The following SMIM36 variants were observed in gnomAD, a reference collection of about 807,000 sequenced individuals.
SMIM36 encodes small integral membrane protein 36.
chr17:55,512,155 G>T (rs1269056349), upstream of SMIM36, among the ~76,000 whole-genome samples: 1 of 152,218 alleles, frequency 6.6e-6, no homozygotes, highest in African/African-American at 2.4e-5. Context: ...TTTAACCTAT[G>T]ACCTGAAGGA....
At chr17:55,510,939 C>G in exon 1 of SMIM36, 1 of 396,534 alleles carries the variant, frequency 2.5e-6, no homozygotes, top group Non-Finnish European at 4.4e-6. Context: ...AGACAGAGCT[C>G]TCACTTCCTT....
At chr17:55,519,378 C>A in the SMIM36 span, among the ~76,000 whole-genome samples, 1 of 151,860 alleles carries the variant, frequency 6.6e-6, no homozygotes, top group Admixed American at 6.6e-5. Flanking sequence ...TGGAATGTGG[C>A]GGGAAATTGT....
chr17:55,461,789 A>G (rs1485154331), intron 4 of SMIM36, among the ~76,000 whole-genome samples: 1 of 152,202 alleles, frequency 6.6e-6, no homozygotes, highest in East Asian at 1.9e-4. Context: ...CAAAAACCAG[A>G]AAGTACAGAC....
At chr17:55,472,700 G>A (rs1405011958) in intron 3 of SMIM36, among the ~76,000 whole-genome samples, 3 of 151,982 alleles carry the variant, frequency 2.0e-5, no homozygotes, top group Non-Finnish European at 2.9e-5. Flanking sequence ...GTGAAACCCC[G>A]AATCTACTAA....
Position 55,508,142 on chromosome 17 carries a change from AAC to A in SMIM36, c.*174+2735_*174+2736del, listed in dbSNP as rs201307522. The stretch of plus-strand genomic sequence containing the variant: ...CAACCTACTGCTTTGCCTTGTAACA[AAC>A]ACACAATGAAAAGAGCAGAGTTGAG... On this transcript the variant is annotated intron_variant, in intron 1 of 4. Transcript: ENST00000636752. Among the ~76,000 whole-genome samples, 913 of 152,152 alleles carry A rather than the reference AAC, an allele frequency of 6.0e-3. 13 individuals are homozygous for A. Among genetic ancestry groups the A allele is most frequent in the African/African-American group, 0.021 (881 of 41,502 alleles).
intron 2 of SMIM36, 30 bp downstream of exon 2, chr17:55,479,430 C>G (rs555407459): frequency 6.6e-6 from 1 of 152,072 alleles, no homozygotes; most frequent in Admixed American, 6.6e-5. Flanking sequence ...ACTAAAAATA[C>G]AAAAAGTAGG....
chr17:55,530,086 A>G, the SMIM36 span, among the ~76,000 whole-genome samples: 1 of 152,242 alleles, frequency 6.6e-6, no homozygotes, highest in Non-Finnish European at 1.5e-5. Flanking sequence ...AGAGAAATAA[A>G]AGAGAAAGTT....
chr17:55,476,567 A>AT (rs71159295), intron 3 of SMIM36, among the ~76,000 whole-genome samples: 33,140 of 149,578 alleles, frequency 0.22, 3,988 homozygotes, highest in Non-Finnish European at 0.28. Context: ...GATGGTCACT[A>AT]TTTTTTTTTT....
chr17:55,481,720 G>T (rs1909524142), intron 1 of SMIM36, among the ~76,000 whole-genome samples: 1 of 152,080 alleles, frequency 6.6e-6, no homozygotes, highest in Admixed American at 6.6e-5. Context: ...TTGAGACAGG[G>T]TCTCACTCTG....
chr17:55,519,226 G>A, the SMIM36 span, among the ~76,000 whole-genome samples: 4 of 152,328 alleles, frequency 2.6e-5, no homozygotes, highest in East Asian at 7.7e-4. Flanking sequence ...TAGGCAGATA[G>A]TTTGGTTAAG....
chr17:55,523,791 C>T, the SMIM36 span, among the ~76,000 whole-genome samples: 1 of 152,132 alleles, frequency 6.6e-6, no homozygotes, highest in Non-Finnish European at 1.5e-5. Context: ...TTGCCTGGCT[C>T]TATTTATATG....
chr17:55,497,563 C>G (rs2048155948), intron 1 of SMIM36, among the ~76,000 whole-genome samples: 1 of 152,096 alleles, frequency 6.6e-6, no homozygotes. Flanking sequence ...CTATGCCCAG[C>G]CTACCCTCTT....
intron 1 of SMIM36, among the ~76,000 whole-genome samples, chr17:55,479,815 A>T (rs1210396243): frequency 6.6e-6 from 1 of 152,228 alleles, no homozygotes; most frequent in Non-Finnish European, 1.5e-5. Flanking sequence ...TGATATGAGC[A>T]AAAACACTTT....
At chr17:55,474,785 G>C (rs1160996847) in intron 3 of SMIM36, among the ~76,000 whole-genome samples, 1 of 152,038 alleles carries the variant, frequency 6.6e-6, no homozygotes, top group East Asian at 1.9e-4. Flanking sequence ...AGGAAACATG[G>C]GTCAGGCACA....
intron 1 of SMIM36, among the ~76,000 whole-genome samples, chr17:55,491,182 C>T (rs550293036): frequency 1.4e-4 from 19 of 136,082 alleles, no homozygotes; most frequent in Admixed American, 4.2e-4. Context: ...GTTGAGGCTG[C>T]AGTGAGCCAT....
intron 1 of SMIM36, among the ~76,000 whole-genome samples, chr17:55,483,155 A>AT (rs1266620528): frequency 5.3e-5 from 8 of 152,106 alleles, no homozygotes; most frequent in East Asian, 1.9e-4. Flanking sequence ...AACCAGGGGG[A>AT]TTTTTTGTCA....
chr17:55,508,819 A>G (rs1163530342), intron 1 of SMIM36, among the ~76,000 whole-genome samples: 1 of 149,388 alleles, frequency 6.7e-6, no homozygotes, highest in Non-Finnish European at 1.5e-5. Flanking sequence ...GCTATTTGGG[A>G]GGCTGAGGCA....
the SMIM36 span, among the ~76,000 whole-genome samples, chr17:55,519,505 C>T: frequency 0.047 from 7,154 of 151,896 alleles, 535 homozygotes; most frequent in African/African-American, 0.16. Context: ...GGGGTATGAC[C>T]GGAATTGAGA....
intron 1 of SMIM36, among the ~76,000 whole-genome samples, chr17:55,494,450 C>T (rs1456638625): frequency 6.6e-6 from 1 of 152,074 alleles, no homozygotes; most frequent in African/African-American, 2.4e-5. Context: ...GTTCCCATCC[C>T]TACCAATCTA....
Sources: allele counts gnomAD v4.1 joint callset (sites outside exome capture counted in the v4.1 genomes callset), GRCh38; gene constraint gnomAD v4.1.1; transcripts MANE v1.5; gene names NCBI Gene and HGNC (gene_info 2026-07-23, HGNC 2026-07-21).